Variants in RARA observed in about 807,000 individuals in gnomAD.
RARA encodes the protein retinoic acid receptor alpha, also known as PML-DDX5-RARA fusion.
A neutral mutation model predicts 42.8 loss-of-function variants in RARA; 5 were observed. The observed-to-expected ratio is 0.12, with a 90% CI of 0.06 to 0.25. The LOEUF (loss-of-function observed/expected upper bound fraction) is 0.25. Among genes scored for constraint, RARA ranks in the 10% least tolerant of loss-of-function variants. The pLI, the probability that RARA is intolerant of heterozygous loss-of-function variation, is 1.00. For missense variants in RARA, 402 were observed against 628.7 expected, an observed-to-expected ratio of 0.64 and a Z score of 3.86; for synonymous variants, 256 against 259.5, an observed-to-expected ratio of 0.99 and a Z score of 0.13.
chr17:40,352,893 A>T lies in RARA; in HGVS notation c.807+386A>T, dbSNP rs2034499597. ...TGGAAGTTCAAGACCACCCTGGGCA[A>T]CATAGTGAGACCTTATTTCTGCAAA... On this transcript the variant is annotated intron_variant, in intron 6 of 8. Transcript: ENST00000254066. This position sits in a 1 kb window ranked among gnomAD's most constrained non-coding sequence, Gnocchi z 4.9. Among the ~76,000 whole-genome samples the T allele has an allele frequency of 6.6e-6, 1 of 152,200 alleles. No individual in the cohort carries two copies.
chr17:40,334,974 G>A (rs1389643916), intron 2 of RARA, among the ~76,000 whole-genome samples: 1 of 152,172 alleles, frequency 6.6e-6, no homozygotes, highest in Non-Finnish European at 1.5e-5. Flanking sequence ...CCCCTAAACT[G>A]GCCCCTGGGG....
chr17:40,348,201 C>A, intron 2 of RARA, 115 bp from the exon 3 acceptor site: 1 of 1,302,366 alleles, frequency 7.7e-7, no homozygotes, highest in Non-Finnish European at 1.0e-6. Context: ...TTGAATCCTG[C>A]CAGCAGTGGT....
chr17:40,311,583 G>A (rs1047687044), intron 1 of RARA, among the ~76,000 whole-genome samples: 1 of 152,134 alleles, frequency 6.6e-6, no homozygotes, highest in Non-Finnish European at 1.5e-5. Flanking sequence ...TGGCCAGTAG[G>A]TCACATCTGG....
At chr17:40,340,411 C>G (rs1356024464) in intron 2 of RARA, among the ~76,000 whole-genome samples, 1 of 152,212 alleles carries the variant, frequency 6.6e-6, no homozygotes, top group African/African-American at 2.4e-5. Context: ...CCCCCCTGGT[C>G]TGGCCTGAGC....
At chr17:40,349,585 G>T in intron 3 of RARA, 199 bp from the exon 4 acceptor site, 1 of 609,232 alleles carries the variant, frequency 1.6e-6, no homozygotes, top group Non-Finnish European at 2.8e-6. Context: ...CAGTGTTGAG[G>T]CAGGTACTGG....
Position 40,351,016 on chromosome 17 carries a change from G to GGCT in RARA, c.470-890_470-888dup, listed in dbSNP as rs2034425834. On this transcript the variant is annotated intron_variant, in intron 4 of 8. Transcript: ENST00000254066. The surrounding 1 kb of genome is among the most constrained non-coding windows in gnomAD (Gnocchi z 4.1). ...TCCCACCGCCAACTCCCCCTCTCCC[G>GGCT]GCTGCTCTGTGCCCCGGAGCTGAGC... is the stretch of plus-strand genomic sequence containing the variant. Among the ~76,000 whole-genome samples the GGCT allele has an allele frequency of 6.7e-6, 1 of 150,132 alleles. No homozygotes were observed. Among genetic ancestry groups the GGCT allele is most frequent in the Non-Finnish European group, 1.5e-5 (1 of 67,584 alleles).
chr17:40,355,990 G>C lies in RARA; in HGVS notation c.1172-19G>C, dbSNP rs774174362. On this transcript the variant is annotated intron_variant, in intron 8 of 8. Coordinates refer to ENST00000254066, the MANE Select transcript of RARA (RefSeq NM_000964.4). This position sits in a 1 kb window ranked among gnomAD's most constrained non-coding sequence, Gnocchi z 4.1. ...GGGCTGGCCCAGCGTGCTGACCTCT[G>C]CCCCCTCCTTTCCTGCAGGGGCTGA... 3 of 1,583,172 alleles carry C rather than the reference G, an allele frequency of 1.9e-6. No individual in the cohort carries two copies. In the South Asian group the frequency reaches 3.5e-5, roughly 18 times the overall value.
chr17:40,316,834 G>A (rs1181924559), intron 1 of RARA, among the ~76,000 whole-genome samples: 4 of 151,868 alleles, frequency 2.6e-5, no homozygotes, highest in Admixed American at 2.0e-4. Flanking sequence ...TGGGCGGGAG[G>A]TTCGCACCGG....
intron 1 of RARA, among the ~76,000 whole-genome samples, chr17:40,316,809 C>A (rs1487755525): frequency 7.3e-6 from 1 of 137,728 alleles, no homozygotes; most frequent in Non-Finnish European, 1.5e-5. Context: ...CTGGACAGGA[C>A]AGGGCGGGAG....
chr17:40,322,566 C>A (rs530657410), intron 1 of RARA, among the ~76,000 whole-genome samples: 1 of 152,272 alleles, frequency 6.6e-6, no homozygotes, highest in South Asian at 2.1e-4. Flanking sequence ...GGCCCTCCCC[C>A]CGGAGCCTCT....
chr17:40,309,779 A>G (rs1307412740), intron 1 of RARA, among the ~76,000 whole-genome samples: 2 of 152,140 alleles, frequency 1.3e-5, no homozygotes, highest in Non-Finnish European at 1.5e-5. Flanking sequence ...GTCCCCTTCC[A>G]GGTTCATCTC....
intron 1 of RARA, among the ~76,000 whole-genome samples, chr17:40,309,736 C>A (rs1477066953): frequency 6.6e-6 from 1 of 152,136 alleles, no homozygotes; most frequent in Non-Finnish European, 1.5e-5. Context: ...GGACTTTGCC[C>A]CTACTCCCTA....
At chr17:40,333,839 G>A (rs1193855029) in intron 2 of RARA, among the ~76,000 whole-genome samples, 1 of 152,124 alleles carries the variant, frequency 6.6e-6, no homozygotes, top group African/African-American at 2.4e-5. Flanking sequence ...GTCTCACCAT[G>A]TTGCCCAGGC....
In RARA at chr17:40,352,417, T is replaced by C; in HGVS notation, c.717T>C (p.Thr239=). The C allele has an allele frequency of 6.2e-7, 1 of 1,613,992 alleles. No homozygotes were observed. The highest frequency in any genetic ancestry group is 8.5e-7 in the Non-Finnish European group (1 of 1,179,900). ...SELSTKCIIK[T]VEFAKQLPGF... ...TCTCCACCAAGTGCATCATTAAGACTGTGGAGTTCGCCAAGCAGCTGCCCG... is the reference window on the plus strand; with the variant it reads ...TCTCCACCAAGTGCATCATTAAGACCGTGGAGTTCGCCAAGCAGCTGCCCG... Residue 239 remains threonine, a synonymous_variant, in exon 6 of 9, where the codon ACT becomes ACC. Transcript: ENST00000254066. The surrounding 1 kb of genome is among the most constrained non-coding windows in gnomAD (Gnocchi z 4.9).
At chr17:40,329,839 A>G (rs1432901118) in intron 1 of RARA, among the ~76,000 whole-genome samples, 1 of 152,196 alleles carries the variant, frequency 6.6e-6, no homozygotes, top group Admixed American at 6.5e-5. Flanking sequence ...ATATAAATAC[A>G]TGCATATGTA....
rs2034572818 is a variant in RARA, at chr17:40,355,065, C to A, written c.1013-198C>A. On this transcript the variant is annotated intron_variant, in intron 7 of 8. Coordinates refer to ENST00000254066, the MANE Select transcript of RARA (RefSeq NM_000964.4). This position sits in a 1 kb window ranked among gnomAD's most constrained non-coding sequence, Gnocchi z 4.1. ...GGGCTCAGGGAGGGTTTGGGGCACC[C>A]CCTCACCCTCAGCTCCCGTTGCTCC... Among the ~76,000 whole-genome samples the A allele has an allele frequency of 1.3e-5, 2 of 152,184 alleles. No individual in the cohort carries two copies.
intron 2 of RARA, among the ~76,000 whole-genome samples, chr17:40,333,810 G>T (rs1442379698): frequency 6.6e-6 from 1 of 151,918 alleles, no homozygotes; most frequent in Non-Finnish European, 1.5e-5. Context: ...CTGATTTTTT[G>T]ATTTTTCATA....
intron 1 of RARA, among the ~76,000 whole-genome samples, chr17:40,323,558 G>A (rs923832464): frequency 1.3e-5 from 2 of 151,906 alleles, no homozygotes; most frequent in Non-Finnish European, 2.9e-5. Context: ...GCCTGCACCC[G>A]CTTCTCCCTT....
In RARA at chr17:40,351,764, T is replaced by C; in HGVS notation, c.470-146T>C. 9.0e-7 allele frequency: 1 copy of C among 1,106,062 alleles called. No homozygotes were observed. The highest frequency in any genetic ancestry group is 1.3e-6 in the Non-Finnish European group (1 of 786,156). 68.5% of individuals were successfully genotyped at this position (1,106,062 alleles called of 1,614,324 possible). A position where few individuals can be genotyped will look rare whatever the true frequency, so the allele number is the denominator to read the frequency against. On this transcript the variant is annotated intron_variant, in intron 4 of 8. Coordinates refer to ENST00000254066, the MANE Select transcript of RARA (RefSeq NM_000964.4). This position sits in a 1 kb window ranked among gnomAD's most constrained non-coding sequence, Gnocchi z 4.1. ...GAGGGCTGGAGTGCGTGGCAATGCC[T>C]TGCCTGCCCGTGAACGCGTGCTGTG...
Sources: allele counts gnomAD v4.1 joint callset (sites outside exome capture counted in the v4.1 genomes callset), GRCh38; gene constraint gnomAD v4.1.1; non-coding constraint Gnocchi (gnomAD v3.1); transcripts MANE v1.5; gene names NCBI Gene and HGNC (gene_info 2026-07-23, HGNC 2026-07-21).